The following RASAL2 variants were observed in gnomAD, a reference collection of about 807,000 sequenced individuals.
RASAL2 encodes ras GTPase-activating protein nGAP.
In RASAL2, 58 loss-of-function variants were observed where a neutral mutation model predicts 128.9. That is an observed-to-expected ratio of 0.45 (90% confidence interval 0.36 to 0.56). The LOEUF is 0.56. Among genes scored for constraint, RASAL2 ranks in the 20% least tolerant of loss-of-function variants. The pLI is 0.00. For missense variants in RASAL2, 1,360 were observed against 1,601.6 expected (o/e 0.85, Z 2.57); for synonymous variants, 561 against 580.8 (o/e 0.97, Z 0.49).
At chr1:178,337,458 A>C (rs144914488) in intron 3 of RASAL2, among the ~76,000 whole-genome samples, 208 of 152,344 alleles carry the variant, frequency 1.4e-3, no homozygotes, top group African/African-American at 4.2e-3. Flanking sequence ...AAAAGAATGC[A>C]GTGGGAAGAC....
At chr1:178,327,782 A>G (rs557460582) in intron 3 of RASAL2, among the ~76,000 whole-genome samples, 2 of 152,306 alleles carry the variant, frequency 1.3e-5, no homozygotes, top group Non-Finnish European at 2.9e-5. Flanking sequence ...CTTTGTAGGT[A>G]TAATTAAAAA....
At chr1:178,430,754 A>G (rs889624095) in intron 5 of RASAL2, among the ~76,000 whole-genome samples, 1 of 152,118 alleles carries the variant, frequency 6.6e-6, no homozygotes, top group Admixed American at 6.6e-5. Context: ...TGCATGTCAC[A>G]TGGCTAATAA....
Position 178,439,519 on chromosome 1 carries a change from C to A in RASAL2, c.772C>A (p.Pro258Thr). 1 of 1,612,868 alleles carries A rather than the reference C, an allele frequency of 6.2e-7. No homozygotes were observed. The highest frequency in any genetic ancestry group is 1.1e-5 in the South Asian group (1 of 91,022). ...VECLDLGRGE[P>T]VSVKPLHSSI... ...ATGTCTGGATCTTGGTAGAGGGGAACCTGTATCAGTGAAACCACTTCATAG... is the reference window on the plus strand; with the variant it reads ...ATGTCTGGATCTTGGTAGAGGGGAAACTGTATCAGTGAAACCACTTCATAG... Residue 258 changes from proline (P) to threonine (T), a missense_variant, in exon 6 of 18, where the codon CCT (proline) becomes ACT (threonine). Physicochemically the swap from Pro to Thr is conservative, Grantham distance 38. Around this residue, in one of 3 missense-constraint regions of RASAL2, gnomAD observed 617 missense variants for 714.2 expected, o/e 0.86. Coordinates refer to ENST00000367649, the MANE Select transcript of RASAL2 (RefSeq NM_170692.4).
At position 178,235,454 on chromosome 1, in the gene RASAL2, T is replaced by A. The variant is rs7551646; in HGVS notation, c.203-48110T>A. On this transcript the variant is annotated intron_variant, in intron 1 of 17. Coordinates refer to ENST00000367649, the MANE Select transcript of RASAL2 (RefSeq NM_170692.4). ...AATATAAAATGTAATAATATGTATA[T>A]GGAAGCACATACAGAGTTTAAGTTT... Among the ~76,000 whole-genome samples the A allele has an allele frequency of 5.0e-3, 768 of 152,284 alleles. 15 individuals are homozygous for A. Among genetic ancestry groups the A allele is most frequent in the African/African-American group, 0.018 (739 of 41,538 alleles).
chr1:178,275,936 A>G (rs1342601795), intron 1 of RASAL2, among the ~76,000 whole-genome samples: 1 of 152,218 alleles, frequency 6.6e-6, no homozygotes, highest in African/African-American at 2.4e-5. Context: ...AAAAGACACA[A>G]TATAAATTTA....
chr1:178,296,274 T>G (rs1259287510), intron 2 of RASAL2, among the ~76,000 whole-genome samples: 2 of 152,154 alleles, frequency 1.3e-5, no homozygotes, highest in Non-Finnish European at 1.5e-5. Flanking sequence ...CTAGTTTGGC[T>G]TTGTTATTAA....
At chr1:178,465,616 G>A (rs1647591836) in intron 15 of RASAL2, among the ~76,000 whole-genome samples, 1 of 151,996 alleles carries the variant, frequency 6.6e-6, no homozygotes, top group African/African-American at 2.4e-5. Context: ...GTAGCCTAGT[G>A]TAGAGAGAGA....
chr1:178,381,608 G>A (rs1214986445), intron 3 of RASAL2, among the ~76,000 whole-genome samples: 2 of 151,426 alleles, frequency 1.3e-5, no homozygotes, highest in Admixed American at 6.6e-5. Flanking sequence ...TTTTTTTAAT[G>A]TCCTCTATTA....
At chr1:178,456,605 T>G in intron 12 of RASAL2, 116 bp from the exon 13 acceptor site, 1 of 1,102,402 alleles carries the variant, frequency 9.1e-7, no homozygotes, top group Non-Finnish European at 1.4e-6. Flanking sequence ...ATGCAAACAC[T>G]TACCCTTCCC....
chr1:178,274,316 C>G (rs571311028), intron 1 of RASAL2, among the ~76,000 whole-genome samples: 2 of 152,120 alleles, frequency 1.3e-5, no homozygotes, highest in Non-Finnish European at 2.9e-5. Flanking sequence ...TTGAAAAGCT[C>G]TAATTCTTTT....
At position 178,262,785 on chromosome 1, in the gene RASAL2, C is replaced by T. The variant is rs115825104; in HGVS notation, c.203-20779C>T. Among the ~76,000 whole-genome samples, 1,214 of 149,374 alleles carry T rather than the reference C, an allele frequency of 8.1e-3. 6 individuals are homozygous for T. The highest frequency in any genetic ancestry group is 0.024 in the Middle Eastern group (7 of 286). On this transcript the variant is annotated intron_variant, in intron 1 of 17. Coordinates refer to ENST00000367649, the MANE Select transcript of RASAL2 (RefSeq NM_170692.4). ...TTTTTCTCTCTTCTCATCCCCCCTG[C>T]CCCCCACTCATTTTTTTTTTTTTTT...
At chr1:178,451,780 T>C (rs1677392408) in intron 10 of RASAL2, 65 bp downstream of exon 10, 9 of 1,511,748 alleles carry the variant, frequency 6.0e-6, no homozygotes, top group African/African-American at 1.4e-5. Context: ...GGAACTTACA[T>C]TTTTTCATGT....
At chr1:178,393,475 T>C (rs896700857) in intron 4 of RASAL2, among the ~76,000 whole-genome samples, 1 of 152,154 alleles carries the variant, frequency 6.6e-6, no homozygotes, top group Admixed American at 6.5e-5. Flanking sequence ...ACCGCTGATC[T>C]GACAGGAGGC....
At chr1:178,287,921 C>A (rs532736695) in intron 2 of RASAL2, among the ~76,000 whole-genome samples, 36 of 152,126 alleles carry the variant, frequency 2.4e-4, no homozygotes, top group Non-Finnish European at 3.8e-4. Flanking sequence ...TCTCAGAAAT[C>A]ACCACTAAAA....
At chr1:178,126,370 A>G (rs549199239) in intron 1 of RASAL2, among the ~76,000 whole-genome samples, 2 of 152,302 alleles carry the variant, frequency 1.3e-5, no homozygotes, top group South Asian at 4.1e-4. Context: ...ATATTCATCT[A>G]TTTATTTGCC....
chr1:178,185,751 T>C (rs576499260), intron 1 of RASAL2, among the ~76,000 whole-genome samples: 1 of 152,260 alleles, frequency 6.6e-6, no homozygotes, highest in East Asian at 1.9e-4. Context: ...GGTTATGTTA[T>C]ATAATTCTTC....
intron 1 of RASAL2, among the ~76,000 whole-genome samples, chr1:178,178,818 T>G (rs2101924550): frequency 6.6e-6 from 1 of 152,286 alleles, no homozygotes; most frequent in Admixed American, 6.5e-5. Context: ...TGGAATTCTG[T>G]ATTAATTCTT....
intron 1 of RASAL2, among the ~76,000 whole-genome samples, chr1:178,264,351 A>G (rs1665840711): frequency 6.6e-6 from 1 of 152,180 alleles, no homozygotes; most frequent in Admixed American, 6.5e-5. Flanking sequence ...ACATGAAACC[A>G]AGATAGACTT....
At chr1:178,471,825 A>G (rs1314377335) in intron 17 of RASAL2, among the ~76,000 whole-genome samples, 2 of 152,124 alleles carry the variant, frequency 1.3e-5, no homozygotes, top group Non-Finnish European at 2.9e-5. Context: ...GTAGCACTAC[A>G]TGACAGCCCT....
Sources: allele counts gnomAD v4.1 joint callset (sites outside exome capture counted in the v4.1 genomes callset), GRCh38; gene constraint gnomAD v4.1.1; regional missense constraint gnomAD v4.1.1; transcripts MANE v1.5; gene names NCBI Gene and HGNC (gene_info 2026-07-23, HGNC 2026-07-21).